Variants in SLC17A5 observed in about 807,000 individuals in gnomAD.
SLC17A5 encodes sialin.
A neutral mutation model predicts 59.4 loss-of-function variants in SLC17A5; 47 were observed. That is an observed-to-expected ratio of 0.79 (90% CI 0.63 to 1.01). The LOEUF is 1.01. Ranked by LOEUF, SLC17A5 falls within the 50% of genes least tolerant of loss-of-function variation. SLC17A5 has a pLI of 0.00. For synonymous variants in SLC17A5, 202 were observed against 210.7 expected (o/e 0.96, Z 0.36); for missense variants, 522 against 595.5 (o/e 0.88, Z 1.28).
At chr6:73,607,989 C>T (rs1343499966) in intron 9 of SLC17A5, among the ~76,000 whole-genome samples, 1 of 152,006 alleles carries the variant, frequency 6.6e-6, no homozygotes, top group Non-Finnish European at 1.5e-5. Flanking sequence ...GTTGGCCAGG[C>T]TGATCTCGAA....
At chr6:73,639,082 G>A (rs1769156752) in intron 3 of SLC17A5, among the ~76,000 whole-genome samples, 1 of 152,148 alleles carries the variant, frequency 6.6e-6, no homozygotes, top group African/African-American at 2.4e-5. Context: ...ATTAAAAAAA[G>A]GATGAATTCA....
chr6:73,625,546 G>C (rs924333867), intron 6 of SLC17A5, among the ~76,000 whole-genome samples: 1 of 152,060 alleles, frequency 6.6e-6, no homozygotes, highest in African/African-American at 2.4e-5. Context: ...GAGAAGGAGA[G>C]AGAACATTGA....
At chr6:73,644,316 G>A in intron 2 of SLC17A5, 91 bp downstream of exon 2, 1 of 1,028,162 alleles carries the variant, frequency 9.7e-7, no homozygotes, top group Non-Finnish European at 1.5e-6. Context: ...ACAAAGTATA[G>A]TTTCTGTAGG....
At position 73,620,669 on chromosome 6, in the gene SLC17A5, T is replaced by G. The variant is rs191116788; in HGVS notation, c.978+1135A>C. Among the ~76,000 whole-genome samples the G allele has an allele frequency of 6.6e-5, 10 of 152,206 alleles. No individual in the cohort carries two copies. The East Asian group carries it at 1.9e-3, about 29-fold the overall frequency. ...ACTGAGGATTCACTTTAATAGTTTT[T>G]AAAGCAGGTAAGTCCATGTAGCCAG... On this transcript the variant is annotated intron_variant, in intron 7 of 10. Transcript: ENST00000355773.
At chr6:73,653,585 C>A in intron 1 of SLC17A5, 1 of 732,202 alleles carries the variant, frequency 1.4e-6, no homozygotes, top group Non-Finnish European at 1.7e-6. Context: ...ACGGTCGCGG[C>A]CCCCGGGGTT....
At chr6:73,649,983 A>G (rs1021440471) in intron 1 of SLC17A5, among the ~76,000 whole-genome samples, 13 of 152,152 alleles carry the variant, frequency 8.5e-5, no homozygotes, top group African/African-American at 2.9e-4. Context: ...GCTCAGGAGT[A>G]GGCACTAAGA....
At chr6:73,612,169 T>C (rs1767663560) in intron 8 of SLC17A5, among the ~76,000 whole-genome samples, 2 of 150,150 alleles carry the variant, frequency 1.3e-5, no homozygotes, top group Non-Finnish European at 2.9e-5. Context: ...TGTGCCACCA[T>C]GCCTGGCTAA....
At chr6:73,627,372 G>A (rs138673223) in intron 6 of SLC17A5, among the ~76,000 whole-genome samples, 44 of 152,138 alleles carry the variant, frequency 2.9e-4, no homozygotes, top group Admixed American at 7.9e-4. Flanking sequence ...ACCGTGCCTG[G>A]CCAAAACTAA....
chr6:73,644,159 A>G (rs991870687), intron 2 of SLC17A5, among the ~76,000 whole-genome samples: 1 of 152,188 alleles, frequency 6.6e-6, no homozygotes, highest in African/African-American at 2.4e-5. Flanking sequence ...TTCTTTAAGC[A>G]TGGTATGTTT....
At chr6:73,612,013 C>G (rs1448198348) in intron 8 of SLC17A5, among the ~76,000 whole-genome samples, 3 of 151,476 alleles carry the variant, frequency 2.0e-5, no homozygotes, top group Non-Finnish European at 2.9e-5. Context: ...AATTTCATTA[C>G]TTTTATTTAT....
At chr6:73,653,688 G>T in intron 1 of SLC17A5, 105 bp downstream of exon 1, 1 of 1,229,928 alleles carries the variant, frequency 8.1e-7, no homozygotes. Context: ...GAGCAGCTCC[G>T]GTCCCGCCGG....
chr6:73,595,013 G>T lies in SLC17A5; in HGVS notation c.*64C>A. 1 of 1,549,936 alleles carries T rather than the reference G, an allele frequency of 6.5e-7. No homozygotes were observed. The highest frequency in any genetic ancestry group is 8.9e-7 in the Non-Finnish European group (1 of 1,122,164). On this transcript the variant is annotated 3_prime_UTR_variant, in exon 11 of 11. Transcript: ENST00000355773. ...ATAGAATGCTTACACAATACAGAAGGCACTTTGAGGTTACATGATAAATAA... is the reference window on the plus strand; with the variant it reads ...ATAGAATGCTTACACAATACAGAAGTCACTTTGAGGTTACATGATAAATAA...
chr6:73,636,741 T>C (rs369874135), intron 4 of SLC17A5, 34 bp from the exon 5 acceptor site: 12 of 1,483,000 alleles, frequency 8.1e-6, no homozygotes, highest in South Asian at 4.5e-5. Context: ...TTATAAACTT[T>C]GGAGAGAGAA....
chr6:73,653,377 G>T (rs1231170084), intron 1 of SLC17A5: 9 of 985,296 alleles, frequency 9.1e-6, no homozygotes, highest in Non-Finnish European at 1.1e-5. Context: ...TTACACCGGG[G>T]TCCTCCGCTC....
intron 10 of SLC17A5, among the ~76,000 whole-genome samples, chr6:73,596,250 G>T (rs144578132): frequency 1.0e-3 from 157 of 152,224 alleles, no homozygotes; most frequent in African/African-American, 3.6e-3. Context: ...GCCTGTGCAC[G>T]GTCTCCTGGG....
chr6:73,634,425 A>G (rs1768905335), intron 6 of SLC17A5, among the ~76,000 whole-genome samples: 1 of 152,144 alleles, frequency 6.6e-6, no homozygotes, highest in Admixed American at 6.6e-5. Flanking sequence ...TTCGAGATGG[A>G]GTCTTGCTCT....
chr6:73,626,753 A>T (rs1271543057), intron 6 of SLC17A5, among the ~76,000 whole-genome samples: 1 of 152,160 alleles, frequency 6.6e-6, no homozygotes, highest in African/African-American at 2.4e-5. Context: ...CATATGTGTG[A>T]CATATGTGTG....
At chr6:73,614,886 A>G (rs1767786322) in intron 8 of SLC17A5, among the ~76,000 whole-genome samples, 1 of 152,152 alleles carries the variant, frequency 6.6e-6, no homozygotes, top group South Asian at 2.1e-4. Context: ...AACATAAAAT[A>G]AAGTGTTTCT....
rs1487813995 is a variant in SLC17A5, at chr6:73,615,300, G to C, written c.1111+15C>G. On this transcript the variant is annotated intron_variant, in intron 8 of 10. Transcript: ENST00000355773. Reference sequence around the variant, plus strand: ...ATAACTGTAAACCAAAACAAAACCTGATTGCTTCACTTACCTATAAGGCTA... The same window carrying C: ...ATAACTGTAAACCAAAACAAAACCTCATTGCTTCACTTACCTATAAGGCTA... 1 of 1,613,704 alleles carries C rather than the reference G, an allele frequency of 6.2e-7. No homozygotes were observed. Among genetic ancestry groups the C allele is most frequent in the Non-Finnish European group, 8.5e-7 (1 of 1,179,864 alleles).
Sources: allele counts gnomAD v4.1 joint callset (sites outside exome capture counted in the v4.1 genomes callset), GRCh38; gene constraint gnomAD v4.1.1; transcripts MANE v1.5; gene names NCBI Gene and HGNC (gene_info 2026-07-23, HGNC 2026-07-21).